The following ABCC3 variants were observed in gnomAD, a reference collection of about 807,000 sequenced individuals.
The protein encoded by ABCC3 is ATP binding cassette subfamily C member 3, also known as ATP-binding cassette sub-family C member 3.
Under a neutral mutation model 165.3 loss-of-function variants are expected in ABCC3, and 121 were observed. The ratio of observed to expected loss-of-function variants is 0.73; its 90% CI spans 0.63 to 0.85. ABCC3 has a LOEUF of 0.85. Ranked by LOEUF, ABCC3 falls within the 40% of genes least tolerant of loss-of-function variation. The pLI, the probability that ABCC3 is intolerant of heterozygous loss-of-function variation, is 0.00. For missense variants in ABCC3, 1,869 were observed against 1,964.1 expected, an observed-to-expected ratio of 0.95 and a Z score of 0.92; for synonymous variants, 733 against 810.1, an observed-to-expected ratio of 0.90 and a Z score of 1.62.
intron 6 of ABCC3, 113 bp from the exon 7 acceptor site, chr17:50,659,124 G>C: frequency 7.5e-7 from 1 of 1,328,246 alleles, no homozygotes; most frequent in Non-Finnish European, 1.0e-6. Flanking sequence ...CAGTGCCCGA[G>C]GGAGACCCTC....
chr17:50,684,678 G>C (rs1967990806), intron 28 of ABCC3, 31 bp from the exon 29 acceptor site: 1 of 1,604,818 alleles, frequency 6.2e-7, no homozygotes, highest in Non-Finnish European at 8.5e-7. Context: ...GGCCTAAGCT[G>C]CCTCCCTCTG....
rs1203426735 is a variant in ABCC3, at chr17:50,687,735, G to A, written c.4475+5G>A. On this transcript the variant is annotated splice_donor_5th_base_variant and intron_variant, in intron 30 of 30. Coordinates refer to ENST00000285238, the MANE Select transcript of ABCC3 (RefSeq NM_003786.4). ...CACTATCATGGACTACACCAGGTGG[G>A]ACACGGAAACCTGAGCAATGGGGAA... 3 of 1,610,656 alleles carry A rather than the reference G, an allele frequency of 1.9e-6. No homozygotes were observed. Among genetic ancestry groups the A allele is most frequent in the Non-Finnish European group, 2.5e-6 (3 of 1,177,124 alleles).
chr17:50,676,753 C>T (rs1967824284), intron 23 of ABCC3, among the ~76,000 whole-genome samples, 165 bp downstream of exon 23: 1 of 152,196 alleles, frequency 6.6e-6, no homozygotes, highest in South Asian at 2.1e-4. Flanking sequence ...TACTTAACCT[C>T]TTTGAAACTC....
intron 11 of ABCC3, among the ~76,000 whole-genome samples, chr17:50,665,857 T>C (rs954475471): frequency 2.0e-5 from 3 of 151,620 alleles, no homozygotes; most frequent in Non-Finnish European, 2.9e-5. Context: ...GGTGATCCGT[T>C]CATCTTAGCC....
At chr17:50,645,003 G>A (rs1465953041) in intron 1 of ABCC3, among the ~76,000 whole-genome samples, 3 of 152,112 alleles carry the variant, frequency 2.0e-5, no homozygotes, top group African/African-American at 7.2e-5. Context: ...GGGCGACAGA[G>A]CGAGACTCCG....
At position 50,669,186 on chromosome 17, in the gene ABCC3, C is replaced by A. The variant is rs1179841818; in HGVS notation, c.1984C>A (p.Pro662Thr). ...AGGGGCACTGGTGGCCGTGGTGGGG[C>A]CTGTGGGCTGTGGGAAGTCCTCCCT... ...PKGALVAVVG[P>T]VGCGKSSLVS... The change falls in exon 16 of 31, where the codon CCT becomes ACT. Residue 662 changes from proline to threonine, a missense_variant. Physicochemically the swap from Pro to Thr is conservative, Grantham distance 38 (BLOSUM62 -1). Transcript: ENST00000285238. 2 of 1,609,272 alleles carry A rather than the reference C, an allele frequency of 1.2e-6. No homozygotes were observed. The highest frequency in any genetic ancestry group is 2.2e-5 in the South Asian group (2 of 90,598).
intron 8 of ABCC3, chr17:50,663,395 G>T: frequency 2.2e-6 from 1 of 448,800 alleles, no homozygotes; most frequent in Non-Finnish European, 4.0e-6. Flanking sequence ...CCATATGTCA[G>T]GAGGTAAGAA....
At chr17:50,671,151 G>A (rs1567834218) in intron 17 of ABCC3, among the ~76,000 whole-genome samples, 1 of 151,944 alleles carries the variant, frequency 6.6e-6, no homozygotes, top group African/African-American at 2.4e-5. Context: ...AGCTACTCAG[G>A]AGGCTGAGGC....
At chr17:50,649,587 A>G (rs369997784) in intron 1 of ABCC3, among the ~76,000 whole-genome samples, 974 of 72,218 alleles carry the variant, frequency 0.013, 18 homozygotes, top group African/African-American at 0.041. Context: ...TGTCAAAAAA[A>G]GAAGGAGAGG....
At chr17:50,663,583 G>A in intron 8 of ABCC3, 98 bp from the exon 9 acceptor site, 1 of 1,408,576 alleles carries the variant, frequency 7.1e-7, no homozygotes, top group East Asian at 2.3e-5. Flanking sequence ...CAGAGGCCAG[G>A]GGTGCAGTGG....
intron 29 of ABCC3, 119 bp from the exon 30 acceptor site, chr17:50,687,417 G>A (rs1968041718): frequency 1.0e-6 from 1 of 964,464 alleles, no homozygotes; most frequent in Non-Finnish European, 1.5e-6. Context: ...TGGCAGAAAT[G>A]GGAGAAGTCA....
At chr17:50,653,344 C>CAAAAA (rs1298179994) in intron 1 of ABCC3, among the ~76,000 whole-genome samples, 4 of 47,668 alleles carry the variant, frequency 8.4e-5, no homozygotes, top group Non-Finnish European at 1.9e-4. Flanking sequence ...GAGACTGTCT[C>CAAAAA]AAAAAAAAAA....
rs370960744 is a variant in ABCC3, at chr17:50,655,999, G to T, written c.213G>T (p.Lys71Asn). ...ACATCATCCTCTCCCACCTGTCCAAGCTCAAGATGGTCAGTGGCTCAGGGA... is the reference window on the plus strand; with the variant it reads ...ACATCATCCTCTCCCACCTGTCCAATCTCAAGATGGTCAGTGGCTCAGGGA... ...RGYIILSHLS[K>N]LKMVLGVLLW... The change falls in exon 2 of 31, where the codon AAG becomes AAT. Residue 71 changes from lysine to asparagine, a missense_variant. Lys to Asn is a moderately conservative substitution (Grantham distance 94). Transcript: ENST00000285238. 1 of 1,613,604 alleles carries T rather than the reference G, an allele frequency of 6.2e-7. No homozygotes were observed. Among genetic ancestry groups the T allele is most frequent in the Admixed American group, 1.7e-5 (1 of 59,970 alleles).
chr17:50,663,746 T>C lies in ABCC3; in HGVS notation c.1064T>C (p.Leu355Pro). The C allele has an allele frequency of 6.2e-7, 1 of 1,614,226 alleles. No homozygotes were observed. Among genetic ancestry groups the C allele is most frequent in the Non-Finnish European group, 8.5e-7 (1 of 1,180,044 alleles). Residue 355 changes from leucine to proline, a missense_variant, in exon 9 of 31, where the codon CTG becomes CCG. Physicochemically the swap from Leu to Pro is moderately conservative, Grantham distance 98. Coordinates refer to ENST00000285238, the MANE Select transcript of ABCC3 (RefSeq NM_003786.4). ...TGGTGGGGCTTCCTGGTGGCTGGGC[T>C]GATGTTCCTGTGCTCCATGATGCAG... Reference protein sequence around the residue: ...PSWWGFLVAGLMFLCSMMQSL... With the variant: ...PSWWGFLVAGPMFLCSMMQSL...
chr17:50,670,371 C>T (rs1360030596), intron 17 of ABCC3, among the ~76,000 whole-genome samples: 1 of 152,156 alleles, frequency 6.6e-6, no homozygotes, highest in African/African-American at 2.4e-5. Context: ...GCATGAGCAC[C>T]GTGCCTAGCC....
In ABCC3 at chr17:50,668,502, A is replaced by C. The variant is rs1254638509; in HGVS notation, c.1855A>C (p.Lys619Gln). The C allele has an allele frequency of 1.2e-6, 2 of 1,613,914 alleles. No individual in the cohort carries two copies. Among genetic ancestry groups the C allele is most frequent in the African/African-American group, 1.3e-5 (1 of 74,980 alleles). ...EELDPQSVER[K>Q]TISPGYAITI... Reference sequence around the variant, plus strand: ...ACTTGACCCCCAGAGTGTGGAAAGAAAGACCATCTCCCCAGGTCTAGAGAG... The same window carrying C: ...ACTTGACCCCCAGAGTGTGGAAAGACAGACCATCTCCCCAGGTCTAGAGAG... Residue 619 changes from lysine to glutamine, a missense_variant, in exon 14 of 31, where the codon AAG becomes CAG. Lys to Gln is a moderately conservative substitution (Grantham distance 53). Transcript: ENST00000285238.
Position 50,655,980 on chromosome 17 carries a change from T to G in ABCC3, c.194T>G (p.Ile65Ser), listed in dbSNP as rs1480253648. The G allele has an allele frequency of 6.2e-7, 1 of 1,614,020 alleles. No homozygotes were observed. The highest frequency in any genetic ancestry group is 8.5e-7 in the Non-Finnish European group (1 of 1,179,994). The change falls in exon 2 of 31, where the codon ATC becomes AGC. Residue 65 changes from isoleucine to serine, a missense_variant. Ile to Ser is a moderately radical substitution (Grantham distance 142, BLOSUM62 -2). Transcript: ENST00000285238. The part of the protein sequence containing the change: ...YLRHHCRGYI[I>S]LSHLSKLKMV... ...CGGCACCATTGTCGTGGCTACATCA[T>G]CCTCTCCCACCTGTCCAAGCTCAAG...
At position 50,665,147 on chromosome 17, in the gene ABCC3, C is replaced by T. The variant is rs1425836743; in HGVS notation, c.1339-6C>T. 1.9e-6 allele frequency: 3 copies of T among 1,614,076 alleles called. No individual in the cohort carries two copies. The highest frequency in any genetic ancestry group is 2.5e-6 in the Non-Finnish European group (3 of 1,179,922). ...ATGTGTCATCTATCCACCGGTGCCTCCTCAGAACCTAGGTCCCTCTGTCCT... is the reference window on the plus strand; with the variant it reads ...ATGTGTCATCTATCCACCGGTGCCTTCTCAGAACCTAGGTCCCTCTGTCCT... On this transcript the variant is annotated splice_polypyrimidine_tract_variant and splice_region_variant and intron_variant, in intron 10 of 30. Transcript: ENST00000285238.
Position 50,677,937 on chromosome 17 carries a change from C to A in ABCC3, c.3572C>A (p.Ser1191Tyr). The change falls in exon 24 of 31, where the codon TCC becomes TAC. Residue 1191 changes from serine (S) to tyrosine (Y), a missense_variant. By Grantham distance (144) the Ser-to-Tyr change is moderately radical (BLOSUM62 -2). Transcript: ENST00000285238. The stretch of plus-strand genomic sequence containing the variant: ...AGAAGCTGCTACCCCTACATCATCT[C>A]CAACCGGTCAGAAGCCGCCTCCCTC... ...NQRSCYPYIISNRWLSIGVEF... is the reference protein window; with the variant it reads ...NQRSCYPYIIYNRWLSIGVEF... The A allele has an allele frequency of 6.2e-7, 1 of 1,614,134 alleles. No homozygotes were observed. Among genetic ancestry groups the A allele is most frequent in the African/African-American group, 1.3e-5 (1 of 75,008 alleles).
Sources: allele counts gnomAD v4.1 joint callset (sites outside exome capture counted in the v4.1 genomes callset), GRCh38; gene constraint gnomAD v4.1.1; transcripts MANE v1.5; gene names NCBI Gene and HGNC (gene_info 2026-07-23, HGNC 2026-07-21).